The following GRID1 variants were observed in gnomAD, a reference collection of about 807,000 sequenced individuals.
The protein encoded by GRID1 is glutamate receptor ionotropic, delta-1.
A neutral mutation model predicts 98.0 loss-of-function variants in GRID1; 28 were observed. The ratio of observed to expected loss-of-function variants is 0.29; its 90% CI spans 0.21 to 0.39. The LOEUF is 0.39. Among genes scored for constraint, GRID1 ranks in the 10% least tolerant of loss-of-function variants. The pLI is 1.00. For synonymous variants in GRID1, 553 were observed against 538.5 expected, an observed-to-expected ratio of 1.03 and a Z score of -0.37; for missense variants, 1,111 against 1,340.5, an observed-to-expected ratio of 0.83 and a Z score of 2.67.
At chr10:85,757,808 C>A (rs1842112971) in intron 8 of GRID1, among the ~76,000 whole-genome samples, 2 of 152,216 alleles carry the variant, frequency 1.3e-5, no homozygotes, top group Admixed American at 1.3e-4. Flanking sequence ...TCATTCCTAC[C>A]TGCTATAAGA....
rs201889753 is a variant in GRID1, at chr10:85,906,288, C to G, written c.780+9898G>C. ...CTGGTAAAACTGAAAGGAGAACAAA[C>G]AAACTCACAATTAAGGATGAGTATT... On this transcript the variant is annotated intron_variant, in intron 5 of 15. Transcript: ENST00000327946. Among the ~76,000 whole-genome samples, 4 of 152,136 alleles carry G rather than the reference C, an allele frequency of 2.6e-5. No homozygotes were observed. In the East Asian group the frequency reaches 7.7e-4, roughly 29 times the overall value.
At chr10:85,981,873 C>A (rs1039638096) in intron 4 of GRID1, among the ~76,000 whole-genome samples, 3 of 152,052 alleles carry the variant, frequency 2.0e-5, no homozygotes, top group South Asian at 2.1e-4. Flanking sequence ...TGAAGTCAGG[C>A]GGGAGAGGGA....
intron 4 of GRID1, among the ~76,000 whole-genome samples, chr10:86,095,493 TCAAA>T (rs1391516886): frequency 6.6e-6 from 1 of 150,448 alleles, no homozygotes; most frequent in Non-Finnish European, 1.5e-5. Flanking sequence ...TACAACAAAC[TCAAA>T]CAAATCAGTA....
intron 4 of GRID1, among the ~76,000 whole-genome samples, chr10:86,069,174 G>A (rs936518111): frequency 6.6e-6 from 1 of 152,114 alleles, no homozygotes; most frequent in Non-Finnish European, 1.5e-5. Context: ...GGCAGGAGGG[G>A]GCTCTGCTCA....
At chr10:86,218,787 C>T (rs1358175645) in intron 2 of GRID1, among the ~76,000 whole-genome samples, 1 of 152,238 alleles carries the variant, frequency 6.6e-6, no homozygotes, top group Non-Finnish European at 1.5e-5. Context: ...GATTGCAGCT[C>T]AGTGTCATTG....
intron 2 of GRID1, among the ~76,000 whole-genome samples, chr10:86,299,609 G>A (rs112660618): frequency 0.073 from 11,104 of 151,840 alleles, 1,125 homozygotes; most frequent in African/African-American, 0.24. Flanking sequence ...GGAGGGAATT[G>A]AACAATGACA....
intron 4 of GRID1, among the ~76,000 whole-genome samples, chr10:85,975,977 G>A (rs1456307002): frequency 1.3e-5 from 2 of 152,116 alleles, no homozygotes; most frequent in African/African-American, 4.8e-5. Flanking sequence ...GGAAGCCCCA[G>A]GAGAGCTCAC....
At chr10:86,171,599 G>A (rs577866239) in intron 3 of GRID1, among the ~76,000 whole-genome samples, 1 of 152,304 alleles carries the variant, frequency 6.6e-6, no homozygotes, top group East Asian at 1.9e-4. Flanking sequence ...AGGCAGGTAG[G>A]GTGGGGGCTG....
chr10:86,091,125 A>G (rs559581869), intron 4 of GRID1, among the ~76,000 whole-genome samples: 5 of 152,264 alleles, frequency 3.3e-5, no homozygotes, highest in African/African-American at 1.2e-4. Flanking sequence ...GAGCGGGGTG[A>G]GAAGACTCCT....
chr10:85,799,635 A>G (rs1842557676), intron 8 of GRID1, among the ~76,000 whole-genome samples: 1 of 152,154 alleles, frequency 6.6e-6, no homozygotes, highest in East Asian at 1.9e-4. Context: ...AAAATGTCAC[A>G]TGGTCTCACT....
At chr10:85,683,118 ACAGAGC>A (rs1307094210) in intron 12 of GRID1, among the ~76,000 whole-genome samples, 1 of 152,164 alleles carries the variant, frequency 6.6e-6, no homozygotes, top group Non-Finnish European at 1.5e-5. Context: ...AGAAATTATA[ACAGAGC>A]TTCCTTCTCT....
chr10:85,836,384 C>G (rs1842911594), intron 8 of GRID1, among the ~76,000 whole-genome samples: 1 of 151,982 alleles, frequency 6.6e-6, no homozygotes. Context: ...GACACACAAG[C>G]TAGATTGAAG....
At chr10:86,165,235 C>CA (rs1213307929) in intron 3 of GRID1, among the ~76,000 whole-genome samples, 1 of 152,172 alleles carries the variant, frequency 6.6e-6, no homozygotes, top group Non-Finnish European at 1.5e-5. Flanking sequence ...GGAGGAGGAG[C>CA]AGAGTGGGCA....
chr10:85,799,927 G>T (rs1842560322), intron 8 of GRID1, among the ~76,000 whole-genome samples: 1 of 151,950 alleles, frequency 6.6e-6, no homozygotes, highest in Non-Finnish European at 1.5e-5. Flanking sequence ...TAATTATGCT[G>T]ATTTGATTAT....
chr10:86,100,996 C>T (rs1844288203), intron 4 of GRID1, among the ~76,000 whole-genome samples: 1 of 152,090 alleles, frequency 6.6e-6, no homozygotes, highest in African/African-American at 2.4e-5. Context: ...TCACTGGTGA[C>T]TGATAGGGGG....
In GRID1 at chr10:85,619,562, G is replaced by A. The variant is rs1329999449; in HGVS notation, c.2360+305C>T. On this transcript the variant is annotated intron_variant, in intron 14 of 15. Transcript: ENST00000327946. ...GATATCCTGGGTCTGGTGAGATGCC[G>A]TTTTCTCCCTGCCTCTACCCTAGCA... 2.6e-5 allele frequency among the ~76,000 whole-genome samples: 4 copies of A among 152,208 alleles called. No homozygotes were observed. In the South Asian group the frequency reaches 6.2e-4, roughly 24 times the overall value.
intron 12 of GRID1, among the ~76,000 whole-genome samples, chr10:85,691,551 A>G (rs1435911386): frequency 7.9e-5 from 12 of 152,110 alleles, no homozygotes; most frequent in African/African-American, 2.2e-4. Flanking sequence ...CCCCTCTTCA[A>G]TCATAGCTGT....
At chr10:85,688,950 G>A (rs1374849059) in intron 12 of GRID1, among the ~76,000 whole-genome samples, 1 of 152,084 alleles carries the variant, frequency 6.6e-6, no homozygotes, top group Non-Finnish European at 1.5e-5. Context: ...CCCCTGTCCT[G>A]TACTTAAGTG....
chr10:85,828,135 T>C (rs537623734), intron 8 of GRID1, among the ~76,000 whole-genome samples: 52 of 152,142 alleles, frequency 3.4e-4, no homozygotes, highest in African/African-American at 1.3e-3. Context: ...AAGAAAATCA[T>C]TCAAAAACCA....
Sources: allele counts gnomAD v4.1 joint callset (sites outside exome capture counted in the v4.1 genomes callset), GRCh38; gene constraint gnomAD v4.1.1; transcripts MANE v1.5; gene names NCBI Gene and HGNC (gene_info 2026-07-23, HGNC 2026-07-21).